NXPH1: variants seen among roughly 807,000 people sequenced by gnomAD.
NXPH1 encodes neurexophilin-1.
A neutral mutation model predicts 23.7 loss-of-function variants in NXPH1; 5 were observed. That is an observed-to-expected ratio of 0.21 (90% CI 0.11 to 0.44). The LOEUF is 0.44. Among genes scored for constraint, NXPH1 ranks in the 20% least tolerant of loss-of-function variants. NXPH1 has a pLI of 0.99. For missense variants in NXPH1, 324 were observed against 321.6 expected (o/e 1.01, Z -0.06); for synonymous variants, 144 against 122.2 (o/e 1.18, Z -1.18).
chr7:8,567,572 A>C (rs1818567605), intron 2 of NXPH1, among the ~76,000 whole-genome samples: 1 of 151,974 alleles, frequency 6.6e-6, no homozygotes, highest in South Asian at 2.1e-4. Flanking sequence ...GTTTGCTTTT[A>C]AACTAAAGAA....
intron 2 of NXPH1, among the ~76,000 whole-genome samples, chr7:8,655,429 T>TA (rs1562444287): frequency 0.027 from 1,403 of 51,252 alleles, 40 homozygotes; most frequent in Admixed American, 0.11. Flanking sequence ...TCTCTCTCTC[T>TA]CTCTCTCTCT....
At chr7:8,589,198 T>C (rs1161810848) in intron 2 of NXPH1, among the ~76,000 whole-genome samples, 3 of 152,040 alleles carry the variant, frequency 2.0e-5, no homozygotes, top group African/African-American at 7.2e-5. Flanking sequence ...TAAAAAATGG[T>C]GACTAATCTT....
chr7:8,493,778 G>T (rs1426961601), intron 2 of NXPH1, among the ~76,000 whole-genome samples: 1 of 151,960 alleles, frequency 6.6e-6, no homozygotes, highest in Non-Finnish European at 1.5e-5. Context: ...ACAAAAGTCT[G>T]GAAGAAACCA....
chr7:8,570,267 T>C (rs978477108), intron 2 of NXPH1, among the ~76,000 whole-genome samples: 1 of 151,908 alleles, frequency 6.6e-6, no homozygotes, highest in African/African-American at 2.4e-5. Flanking sequence ...AAGTGAGATA[T>C]GATAATGGAG....
At chr7:8,677,469 C>T (rs868136949) in intron 2 of NXPH1, among the ~76,000 whole-genome samples, 8 of 152,060 alleles carry the variant, frequency 5.3e-5, no homozygotes, top group Middle Eastern at 3.2e-3. Context: ...GAATTATTTG[C>T]TAAGATATTT....
intron 2 of NXPH1, among the ~76,000 whole-genome samples, chr7:8,484,990 A>G (rs73675708): frequency 0.18 from 27,554 of 152,164 alleles, 3,437 homozygotes; most frequent in East Asian, 0.61. Context: ...GTCCCCACCC[A>G]AATCTTACCT....
chr7:8,740,596 G>A (rs1780344793), intron 2 of NXPH1, among the ~76,000 whole-genome samples: 1 of 152,164 alleles, frequency 6.6e-6, no homozygotes, highest in South Asian at 2.1e-4. Flanking sequence ...TGGGTTAAGA[G>A]AGAGCCATGA....
chr7:8,521,687 A>T (rs1028359383), intron 2 of NXPH1, among the ~76,000 whole-genome samples: 1 of 152,236 alleles, frequency 6.6e-6, no homozygotes, highest in African/African-American at 2.4e-5. Flanking sequence ...TTTAGACATC[A>T]TTGCATAGTC....
intron 2 of NXPH1, among the ~76,000 whole-genome samples, chr7:8,507,561 T>C (rs575347046): frequency 3.3e-5 from 5 of 152,274 alleles, no homozygotes; most frequent in African/African-American, 1.2e-4. Flanking sequence ...CTTCTAGTAG[T>C]TCCCCCAGTG....
In NXPH1 at chr7:8,519,559, A is replaced by G. The variant is rs187306770; in HGVS notation, c.54+83792A>G. On this transcript the variant is annotated intron_variant, in intron 2 of 2. Coordinates refer to ENST00000405863, the MANE Select transcript of NXPH1 (RefSeq NM_152745.3). ...TACAAGGAAAGAGTTCTAATATGGAATAAGCATTTTCATTGCTTTTTTTGC... is the reference window on the plus strand; with the variant it reads ...TACAAGGAAAGAGTTCTAATATGGAGTAAGCATTTTCATTGCTTTTTTTGC... Among the ~76,000 whole-genome samples the G allele has an allele frequency of 7.2e-5, 11 of 152,334 alleles. No homozygotes were observed. In the East Asian group the frequency reaches 2.1e-3, roughly 29 times the overall value.
chr7:8,644,938 GTCT>G (rs1211142687), intron 2 of NXPH1, among the ~76,000 whole-genome samples: 2 of 152,128 alleles, frequency 1.3e-5, no homozygotes, highest in Non-Finnish European at 2.9e-5. Context: ...TAAACAGAAT[GTCT>G]TCTTTGGCAG....
chr7:8,643,901 G>A (rs74675936), intron 2 of NXPH1, among the ~76,000 whole-genome samples: 7,188 of 151,942 alleles, frequency 0.047, 367 homozygotes, highest in East Asian at 0.17. Context: ...TATTCATATT[G>A]TTTCATTTCA....
intron 2 of NXPH1, among the ~76,000 whole-genome samples, chr7:8,453,323 A>G (rs1816538690): frequency 6.6e-6 from 1 of 152,158 alleles, no homozygotes; most frequent in South Asian, 2.1e-4. Context: ...AAATATTTTA[A>G]TTGGCAGGAA....
chr7:8,503,026 G>C (rs1449686089), intron 2 of NXPH1, among the ~76,000 whole-genome samples: 2 of 151,938 alleles, frequency 1.3e-5, no homozygotes, highest in Non-Finnish European at 2.9e-5. Flanking sequence ...TCTTGGAACT[G>C]GGTGGGAAAC....
intron 2 of NXPH1, among the ~76,000 whole-genome samples, chr7:8,485,639 G>A (rs779541653): frequency 3.3e-5 from 5 of 152,058 alleles, no homozygotes; most frequent in Non-Finnish European, 7.4e-5. Context: ...ATAGTATTTT[G>A]CTTAAGTGGA....
chr7:8,532,403 C>A (rs908828106), intron 2 of NXPH1, among the ~76,000 whole-genome samples: 2 of 131,716 alleles, frequency 1.5e-5, no homozygotes, highest in African/African-American at 2.9e-5. Flanking sequence ...CTATGTTGTA[C>A]CCTGTTGGTT....
At chr7:8,540,867 C>A (rs1818104976) in intron 2 of NXPH1, among the ~76,000 whole-genome samples, 1 of 151,688 alleles carries the variant, frequency 6.6e-6, no homozygotes, top group Non-Finnish European at 1.5e-5. Flanking sequence ...ATAACTAACC[C>A]ATGACTGAGC....
At chr7:8,731,654 G>T (rs1431341890) in intron 2 of NXPH1, among the ~76,000 whole-genome samples, 4 of 152,188 alleles carry the variant, frequency 2.6e-5, no homozygotes, top group Non-Finnish European at 4.4e-5. Flanking sequence ...AGGCTGCTCG[G>T]GGGTCAGGGG....
chr7:8,499,074 C>T (rs572880787), intron 2 of NXPH1, among the ~76,000 whole-genome samples: 1 of 152,012 alleles, frequency 6.6e-6, no homozygotes, highest in South Asian at 2.1e-4. Context: ...TAAGATGATG[C>T]GAGGCACTAC....
Sources: allele counts gnomAD v4.1 joint callset (sites outside exome capture counted in the v4.1 genomes callset), GRCh38; gene constraint gnomAD v4.1.1; transcripts MANE v1.5; gene names NCBI Gene and HGNC (gene_info 2026-07-23, HGNC 2026-07-21).